Variants in CDH13 observed in about 807,000 individuals in gnomAD.
The protein encoded by CDH13 is cadherin 13, also known as cadherin-13.
In CDH13, 24 loss-of-function variants were observed where a neutral mutation model predicts 63.8. The ratio of observed to expected loss-of-function variants is 0.38; its 90% CI spans 0.27 to 0.53. The LOEUF (loss-of-function observed/expected upper bound fraction) is 0.53, where lower values mean the gene tolerates loss of function less well. Ranked by LOEUF, CDH13 falls within the 20% of genes least tolerant of loss-of-function variation. The pLI is 0.85. For synonymous variants in CDH13, 503 were observed against 355.3 expected (o/e 1.42, Z -4.67); for missense variants, 1,049 against 903.1 (o/e 1.16, Z -2.07).
rs1319267157 is a variant in CDH13, at chr16:83,291,768, T to A, written c.637-53094T>A. Among the ~76,000 whole-genome samples, 4 of 152,228 alleles carry A rather than the reference T, an allele frequency of 2.6e-5. No homozygotes were observed. The East Asian group carries it at 7.7e-4, about 29-fold the overall frequency. ...TGCTTTGACCTGAATTTATGCCAAC[T>A]GGGACTTTTGCCTGAATTATTCGGG... On this transcript the variant is annotated intron_variant, in intron 5 of 13. Transcript: ENST00000567109.
chr16:83,305,740 A>G (rs183080697), intron 5 of CDH13, among the ~76,000 whole-genome samples: 3 of 152,292 alleles, frequency 2.0e-5, no homozygotes, highest in Non-Finnish European at 2.9e-5. Flanking sequence ...TTTCATCTGT[A>G]CAATGGGATT....
At chr16:82,837,576 G>A (rs2038822106) in intron 1 of CDH13, among the ~76,000 whole-genome samples, 1 of 152,128 alleles carries the variant, frequency 6.6e-6, no homozygotes, top group South Asian at 2.1e-4. Flanking sequence ...AAGTCCGGAG[G>A]AAATCAGTTA....
chr16:82,718,645 C>A (rs1379625057), intron 1 of CDH13, among the ~76,000 whole-genome samples: 1 of 152,088 alleles, frequency 6.6e-6, no homozygotes, highest in African/African-American at 2.4e-5. Flanking sequence ...GGAGGCCTGG[C>A]AATCATGGTG....
intron 5 of CDH13, among the ~76,000 whole-genome samples, chr16:83,257,411 G>T (rs1296188424): frequency 6.6e-6 from 1 of 151,996 alleles, no homozygotes; most frequent in African/African-American, 2.4e-5. Flanking sequence ...TCATGGATGA[G>T]GTTTCCTCTT....
At chr16:82,926,713 G>A (rs1481661393) in intron 2 of CDH13, among the ~76,000 whole-genome samples, 1 of 152,206 alleles carries the variant, frequency 6.6e-6, no homozygotes. Flanking sequence ...TGTAACCATA[G>A]TTATTCACCC....
intron 2 of CDH13, among the ~76,000 whole-genome samples, chr16:82,955,926 T>C (rs1243494613): frequency 6.6e-6 from 1 of 152,214 alleles, no homozygotes; most frequent in Non-Finnish European, 1.5e-5. Flanking sequence ...CAAATACTAC[T>C]ATGAAATATG....
chr16:83,518,215 G>C (rs563797397), intron 7 of CDH13, among the ~76,000 whole-genome samples: 1 of 152,126 alleles, frequency 6.6e-6, no homozygotes, highest in Admixed American at 6.5e-5. Context: ...CGTGATCTTG[G>C]CTCACTGCAG....
intron 4 of CDH13, among the ~76,000 whole-genome samples, chr16:83,163,523 A>G (rs536494915): frequency 3.9e-5 from 6 of 152,262 alleles, no homozygotes; most frequent in South Asian, 2.1e-4. Flanking sequence ...TAGTAGAGCC[A>G]TTGGCACTCA....
intron 11 of CDH13, among the ~76,000 whole-genome samples, chr16:83,750,995 G>T (rs1913036031): frequency 6.7e-6 from 1 of 150,330 alleles, no homozygotes; most frequent in Admixed American, 6.6e-5. Context: ...AAAAAAACAG[G>T]TAAAGCATTC....
At chr16:83,494,531 A>G (rs1252062111) in intron 7 of CDH13, among the ~76,000 whole-genome samples, 2 of 152,364 alleles carry the variant, frequency 1.3e-5, no homozygotes, top group East Asian at 1.9e-4. Flanking sequence ...TGCTCCTGCC[A>G]TATGGAGAAT....
intron 8 of CDH13, among the ~76,000 whole-genome samples, chr16:83,612,671 A>T (rs886921980): frequency 4.6e-5 from 7 of 151,928 alleles, no homozygotes; most frequent in Non-Finnish European, 7.4e-5. Flanking sequence ...CTTATTAGTT[A>T]TACTTCATTT....
At position 83,452,594 on chromosome 16, in the gene CDH13, A is replaced by G. The variant is rs1329610543; in HGVS notation, c.782-33883A>G. ...GATGGTACTTGTTTCCTGCCCAGCA[A>G]TTCTTGTAAGTAAGTAATAATATAG... is the stretch of plus-strand genomic sequence containing the variant. On this transcript the variant is annotated intron_variant, in intron 6 of 13. Coordinates refer to ENST00000567109, the MANE Select transcript of CDH13 (RefSeq NM_001257.5). 2.6e-5 allele frequency among the ~76,000 whole-genome samples: 4 copies of G among 152,186 alleles called. No homozygotes were observed. The South Asian group carries it at 8.3e-4, about 32-fold the overall frequency.
intron 4 of CDH13, among the ~76,000 whole-genome samples, chr16:83,207,460 G>A (rs1389214183): frequency 1.3e-5 from 2 of 152,136 alleles, no homozygotes; most frequent in African/African-American, 2.4e-5. Context: ...TTACACACAT[G>A]TAGACACATA....
chr16:82,955,795 G>A (rs1905996641), intron 2 of CDH13, among the ~76,000 whole-genome samples: 1 of 152,132 alleles, frequency 6.6e-6, no homozygotes, highest in South Asian at 2.1e-4. Context: ...CTGAATCTAA[G>A]GCAAGCTCTG....
intron 3 of CDH13, among the ~76,000 whole-genome samples, chr16:83,038,011 A>G (rs1201371125): frequency 6.6e-6 from 1 of 152,170 alleles, no homozygotes; most frequent in Non-Finnish European, 1.5e-5. Flanking sequence ...GAAGCCAGAG[A>G]TGGGGAACAG....
intron 3 of CDH13, among the ~76,000 whole-genome samples, chr16:83,118,800 G>A (rs1183624723): frequency 6.6e-6 from 1 of 151,866 alleles, no homozygotes; most frequent in Non-Finnish European, 1.5e-5. Flanking sequence ...AGCAGTATTG[G>A]GCCTCTTCTC....
intron 1 of CDH13, among the ~76,000 whole-genome samples, chr16:82,635,982 T>C (rs768266806): frequency 1.3e-5 from 2 of 152,108 alleles, no homozygotes; most frequent in African/African-American, 2.4e-5. Context: ...CCTGAGGCCT[T>C]TGCAGCCATA....
Position 83,800,429 on chromosome 16 carries a change from A to T in CDH13, c.*5399A>T, listed in dbSNP as rs1904313810. The T allele has an allele frequency of 6.6e-6, 1 of 152,214 alleles. No individual in the cohort carries two copies. The highest frequency in any genetic ancestry group is 1.5e-5 in the Non-Finnish European group (1 of 68,034). 9.4% of individuals were successfully genotyped at this position (152,214 alleles called of 1,614,324 possible). The stretch of plus-strand genomic sequence containing the variant: ...AGATAAAAATTTTAAGAAATTTTAA[A>T]TGCTTTTTATTCACACACACTTTTC... On this transcript the variant is annotated 3_prime_UTR_variant, in exon 14 of 14. Transcript: ENST00000567109.
intron 2 of CDH13, among the ~76,000 whole-genome samples, chr16:83,015,677 G>GTATATATATATATATATATATATA (rs71148803): frequency 8.0e-5 from 3 of 37,568 alleles, no homozygotes; most frequent in Non-Finnish European, 1.5e-4. Context: ...GTGTGTGTAT[G>GTATATATATATATATATATATATA]TATATATATA....
Sources: allele counts gnomAD v4.1 joint callset (sites outside exome capture counted in the v4.1 genomes callset), GRCh38; gene constraint gnomAD v4.1.1; transcripts MANE v1.5; gene names NCBI Gene and HGNC (gene_info 2026-07-23, HGNC 2026-07-21).